DDAH1: variants seen among roughly 807,000 people sequenced by gnomAD.
DDAH1 encodes the protein N(G),N(G)-dimethylarginine dimethylaminohydrolase 1.
Under a neutral mutation model 28.8 loss-of-function variants are expected in DDAH1, and 19 were observed. That is an observed-to-expected ratio of 0.66 (90% confidence interval 0.46 to 0.97). The LOEUF is 0.97. Among genes scored for constraint, DDAH1 ranks in the 50% least tolerant of loss-of-function variants. The pLI is 0.00. For synonymous variants in DDAH1, 153 were observed against 154.4 expected, an observed-to-expected ratio of 0.99 and a Z score of 0.07; for missense variants, 326 against 375.9, an observed-to-expected ratio of 0.87 and a Z score of 1.10.
intron 5 of DDAH1, among the ~76,000 whole-genome samples, chr1:85,323,387 G>A (rs1469391618): frequency 6.6e-6 from 1 of 152,146 alleles, no homozygotes; most frequent in East Asian, 1.9e-4. Context: ...TGTTTGCTTG[G>A]TAGGGTAAAA....
intron 2 of DDAH1, among the ~76,000 whole-genome samples, chr1:85,354,675 C>G (rs1649397490): frequency 6.6e-6 from 1 of 151,702 alleles, no homozygotes; most frequent in Non-Finnish European, 1.5e-5. Context: ...TTAAAAAAAA[C>G]CTCATTACCT....
At chr1:85,401,891 C>A (rs1350066869) in intron 1 of DDAH1, among the ~76,000 whole-genome samples, 2 of 152,152 alleles carry the variant, frequency 1.3e-5, no homozygotes, top group African/African-American at 2.4e-5. Flanking sequence ...TAAAAAGAAG[C>A]ACAATTACTA....
At chr1:85,341,478 T>G (rs1648473809) in intron 4 of DDAH1, among the ~76,000 whole-genome samples, 2 of 152,218 alleles carry the variant, frequency 1.3e-5, no homozygotes. Context: ...TTTCTGTGGT[T>G]TTCCTCAAAC....
chr1:85,536,008 C>T (rs1480262171), intron 1 of DDAH1, among the ~76,000 whole-genome samples: 1 of 152,026 alleles, frequency 6.6e-6, no homozygotes, highest in African/African-American at 2.4e-5. Context: ...TGCTTGTAAT[C>T]CCATCACTTT....
chr1:85,415,246 C>G lies in DDAH1; in HGVS notation c.303+49497G>C, dbSNP rs374068218. ...GGCCAGAATGGTCTCAAACTCCTGA[C>G]CTCGTGATCCACCCACCTTGGCCTC... On this transcript the variant is annotated intron_variant, in intron 1 of 5. Transcript: ENST00000284031. Among the ~76,000 whole-genome samples the G allele has an allele frequency of 1.5e-4, 23 of 152,200 alleles. No homozygotes were observed. The East Asian group carries it at 3.3e-3, about 22-fold the overall frequency.
At chr1:85,468,222 C>T (rs1655452836), upstream of DDAH1, among the ~76,000 whole-genome samples, 1 of 152,200 alleles carries the variant, frequency 6.6e-6, no homozygotes, top group Non-Finnish European at 1.5e-5. Context: ...CACAGATGTT[C>T]CTGATTGATT....
At chr1:85,363,312 C>A (rs1487015724) in intron 1 of DDAH1, among the ~76,000 whole-genome samples, 3 of 152,190 alleles carry the variant, frequency 2.0e-5, no homozygotes, top group Non-Finnish European at 2.9e-5. Flanking sequence ...ATGTGGCCCT[C>A]AAAGTTGGCC....
intron 1 of DDAH1, among the ~76,000 whole-genome samples, chr1:85,438,600 C>A (rs182947864): frequency 6.6e-6 from 1 of 152,132 alleles, no homozygotes; most frequent in East Asian, 1.9e-4. Flanking sequence ...TTTGAGCAAC[C>A]CCAGCTGACA....
chr1:85,324,716 T>G (rs1207015159), intron 5 of DDAH1, 24 bp downstream of exon 5: 1 of 1,612,306 alleles, frequency 6.2e-7, no homozygotes, highest in Non-Finnish European at 8.5e-7. Context: ...CCAGCTGCAG[T>G]GGTCAGAAGG....
chr1:85,443,366 G>A (rs1427593779), intron 1 of DDAH1, among the ~76,000 whole-genome samples: 1 of 152,124 alleles, frequency 6.6e-6, no homozygotes, highest in Non-Finnish European at 1.5e-5. Flanking sequence ...TGAGGGCTCT[G>A]TTCTGTTCCA....
intron 4 of DDAH1, among the ~76,000 whole-genome samples, chr1:85,343,174 C>T (rs776235006): frequency 2.0e-5 from 3 of 152,098 alleles, no homozygotes; most frequent in Non-Finnish European, 4.4e-5. Flanking sequence ...TTCCCTTTGA[C>T]ATTTTCTTGA....
intron 1 of DDAH1, chr1:85,521,674 A>T (rs1378194147): frequency 1.0e-6 from 1 of 984,384 alleles, no homozygotes; most frequent in Non-Finnish European, 1.2e-6. Flanking sequence ...CTGCCTGGCA[A>T]ATTCCTTCTC....
At chr1:85,561,222 C>T (rs1247649152) in intron 1 of DDAH1, among the ~76,000 whole-genome samples, 1 of 151,942 alleles carries the variant, frequency 6.6e-6, no homozygotes, top group African/African-American at 2.4e-5. Flanking sequence ...GTGCCTACCT[C>T]AAAGAGTTAT....
At chr1:85,547,785 T>A (rs553036576) in intron 1 of DDAH1, among the ~76,000 whole-genome samples, 14 of 152,174 alleles carry the variant, frequency 9.2e-5, no homozygotes, top group Non-Finnish European at 1.5e-4. Flanking sequence ...TGACTGGCCA[T>A]CCAGGTCTGC....
intron 1 of DDAH1, among the ~76,000 whole-genome samples, chr1:85,424,949 G>A (rs1211155413): frequency 6.6e-6 from 1 of 152,090 alleles, no homozygotes; most frequent in East Asian, 1.9e-4. Context: ...AATGATCACA[G>A]TCATCCAGTC....
intron 1 of DDAH1, among the ~76,000 whole-genome samples, chr1:85,513,413 G>A (rs1245858356): frequency 6.6e-6 from 1 of 152,094 alleles, no homozygotes; most frequent in Non-Finnish European, 1.5e-5. Context: ...AGAAAACCTA[G>A]GCAATACCAT....
intron 1 of DDAH1, among the ~76,000 whole-genome samples, chr1:85,420,585 G>A (rs1244500321): frequency 1.3e-5 from 2 of 152,156 alleles, no homozygotes; most frequent in Non-Finnish European, 2.9e-5. Flanking sequence ...TAACAAAAGT[G>A]ACCTTTACTC....
At chr1:85,483,910 C>T (rs1448899501) in intron 2 of DDAH1, among the ~76,000 whole-genome samples, 1 of 152,182 alleles carries the variant, frequency 6.6e-6, no homozygotes, top group Non-Finnish European at 1.5e-5. Context: ...ATCGCAGATA[C>T]ACACTCCAGG....
At chr1:85,362,365 A>G (rs946233513) in intron 1 of DDAH1, among the ~76,000 whole-genome samples, 3 of 152,164 alleles carry the variant, frequency 2.0e-5, no homozygotes, top group African/African-American at 7.2e-5. Context: ...GATGATATGG[A>G]ATGATCATGG....
Sources: allele counts gnomAD v4.1 joint callset (sites outside exome capture counted in the v4.1 genomes callset), GRCh38; gene constraint gnomAD v4.1.1; transcripts MANE v1.5; gene names NCBI Gene and HGNC (gene_info 2026-07-23, HGNC 2026-07-21).